Variants in CCDC92B observed in about 807,000 individuals in gnomAD.
CCDC92B encodes the protein coiled-coil domain containing 92B, also known as coiled-coil domain-containing 92B.
A neutral mutation model predicts 5.6 loss-of-function variants in CCDC92B; 2 were observed. The observed-to-expected ratio is 0.36, with a 90% CI of 0.15 to 1.12. The LOEUF is 1.12. Among genes scored for constraint, CCDC92B ranks in the 50% most tolerant of loss-of-function variants. The pLI, the probability that CCDC92B is intolerant of heterozygous loss-of-function variation, is 0.40. For synonymous variants in CCDC92B, 115 were observed against 122.3 expected, an observed-to-expected ratio of 0.94 and a Z score of 0.39; for missense variants, 271 against 262.2, an observed-to-expected ratio of 1.03 and a Z score of -0.23.
In CCDC92B at chr17:2,722,634, G is replaced by A. The variant is rs1484463490; in HGVS notation, c.*1777C>T. On this transcript the variant is annotated 3_prime_UTR_variant, in exon 4 of 4. Coordinates refer to ENST00000614400, the MANE Select transcript of CCDC92B (RefSeq NM_001355573.2). ...GATCTGGGACTCCCCCTTCTTCATG[G>A]GGCTGTGATGGGAGAAGAGCTCGTC... 6.6e-6 allele frequency: 1 copy of A among 152,270 alleles called. No individual in the cohort carries two copies. Among genetic ancestry groups the A allele is most frequent in the African/African-American group, 2.4e-5 (1 of 41,452 alleles). 9.4% of individuals were successfully genotyped at this position (152,270 alleles called of 1,614,324 possible).
At chr17:2,745,314 A>C (rs926085143) in intron 1 of CCDC92B, among the ~76,000 whole-genome samples, 1 of 151,954 alleles carries the variant, frequency 6.6e-6, no homozygotes, top group Non-Finnish European at 1.5e-5. Context: ...GCCTGTTCTT[A>C]GGATAAAGAG....
chr17:2,738,522 C>T (rs2070880016), intron 1 of CCDC92B, among the ~76,000 whole-genome samples: 1 of 151,998 alleles, frequency 6.6e-6, no homozygotes, highest in South Asian at 2.1e-4. Flanking sequence ...CTTGTAATCC[C>T]AGCACTTTGG....
intron 1 of CCDC92B, among the ~76,000 whole-genome samples, chr17:2,741,448 G>A (rs948225912): frequency 1.3e-5 from 2 of 151,868 alleles, no homozygotes; most frequent in Non-Finnish European, 2.9e-5. Context: ...AGGCCAAGGC[G>A]GGCAGATCAC....
At chr17:2,726,168 G>A (rs2070726744) in intron 3 of CCDC92B, among the ~76,000 whole-genome samples, 2 of 28,176 alleles carry the variant, frequency 7.1e-5, no homozygotes, top group South Asian at 7.1e-3. Context: ...GCTAATTTTT[G>A]TATATATATA....
chr17:2,734,406 G>T (rs1373390592), intron 2 of CCDC92B, among the ~76,000 whole-genome samples: 1 of 152,054 alleles, frequency 6.6e-6, no homozygotes, highest in African/African-American at 2.4e-5. Flanking sequence ...TAGACCGAGG[G>T]CTGGGAGTTG....
intron 2 of CCDC92B, among the ~76,000 whole-genome samples, chr17:2,732,666 G>A (rs1486627519): frequency 6.6e-6 from 1 of 151,848 alleles, no homozygotes; most frequent in Non-Finnish European, 1.5e-5. Flanking sequence ...TCAGTGAGCT[G>A]AGATCGTGCC....
intron 1 of CCDC92B, 140 bp from the exon 2 acceptor site, chr17:2,735,308 ATTCC>A (rs2070845711): frequency 5.2e-6 from 2 of 386,690 alleles, no homozygotes; most frequent in African/African-American, 2.2e-5. Context: ...CCTCCACACT[ATTCC>A]TTCATTCAGG....
chr17:2,730,386 T>C, intron 3 of CCDC92B, 60 bp downstream of exon 3: 1 of 943,736 alleles, frequency 1.1e-6, no homozygotes, highest in Non-Finnish European at 1.3e-6. Context: ...TGCAAAGGGC[T>C]GGGAAAAACT....
intron 3 of CCDC92B, among the ~76,000 whole-genome samples, chr17:2,726,542 C>T (rs1290065555): frequency 6.6e-6 from 1 of 151,826 alleles, no homozygotes; most frequent in Non-Finnish European, 1.5e-5. Context: ...GTCTTGAACT[C>T]CTGACCTCAG....
chr17:2,730,542 T>A, intron 2 of CCDC92B, 49 bp from the exon 3 acceptor site: 1 of 451,340 alleles, frequency 2.2e-6, no homozygotes, highest in African/African-American at 2.4e-5. Context: ...TGTGTGTGTG[T>A]GTGTGTGTGT....
Position 2,724,868 on chromosome 17 carries a change from C to G in CCDC92B, c.311G>C (p.Ser104Thr), listed in dbSNP as rs1392721007. Reference protein sequence around the residue: ...REALVSALRCSLRTEERRFLE... With the variant: ...REALVSALRCTLRTEERRFLE... ...GAAGCGGCGCTCCTCGGTGCGCAGG[C>G]TGCAGCGCAGCGCGGACACCAGCGC... Residue 104 changes from serine (S) to threonine (T), a missense_variant, in exon 4 of 4, where the codon AGC (serine) becomes ACC (threonine). Physicochemically the swap from Ser to Thr is moderately conservative, Grantham distance 58 (BLOSUM62 1). Transcript: ENST00000614400. This position sits in a 1 kb window ranked among gnomAD's most constrained non-coding sequence, Gnocchi z 5.0. The G allele has an allele frequency of 2.6e-5, 26 of 985,058 alleles. No individual in the cohort carries two copies. The highest frequency in any genetic ancestry group is 5.2e-4 in the Middle Eastern group (1 of 1,934). 61.0% of individuals were successfully genotyped at this position (985,058 alleles called of 1,614,324 possible).
intron 3 of CCDC92B, among the ~76,000 whole-genome samples, chr17:2,728,453 A>C (rs1194854152): frequency 6.6e-6 from 1 of 152,124 alleles, no homozygotes; most frequent in Non-Finnish European, 1.5e-5. Flanking sequence ...AAAAATACAA[A>C]AAATGAGCCG....
chr17:2,724,083 C>T lies in CCDC92B; in HGVS notation c.*328G>A, dbSNP rs778752611. 1.0e-6 allele frequency: 1 copy of T among 985,334 alleles called. No individual in the cohort carries two copies. Among genetic ancestry groups the T allele is most frequent in the Non-Finnish European group, 1.2e-6 (1 of 829,912 alleles). The allele number at this position is 985,334 out of a possible 1,614,324, so 61.0% of individuals were successfully genotyped here. A position where few individuals can be genotyped will look rare whatever the true frequency, so the allele number is the denominator to read the frequency against. Reference sequence around the variant, plus strand: ...CCCCACCAAGGATTGTCGGCTTTCCCGGGGAAGGGCGTGGCCCCCGCCCCT... The same window carrying T: ...CCCCACCAAGGATTGTCGGCTTTCCTGGGGAAGGGCGTGGCCCCCGCCCCT... On this transcript the variant is annotated 3_prime_UTR_variant, in exon 4 of 4. Coordinates refer to ENST00000614400, the MANE Select transcript of CCDC92B (RefSeq NM_001355573.2). The surrounding 1 kb of genome is among the most constrained non-coding windows in gnomAD (Gnocchi z 5.0).
At position 2,724,655 on chromosome 17, in the gene CCDC92B, C is replaced by A. The variant is rs1273017107; in HGVS notation, c.524G>T (p.Arg175Leu). The stretch of plus-strand genomic sequence containing the variant: ...GGCGGCCTCGTGGGCAGCAGGCGGG[C>A]GGCGGGCTCGCAGTGCGCGGCGGCG... ...RPRRRALRARRPPAAHEAAAK... is the reference protein window; with the variant it reads ...RPRRRALRARLPPAAHEAAAK... Residue 175 changes from arginine to leucine, a missense_variant, in exon 4 of 4, where the codon CGC (arginine) becomes CTC (leucine). By Grantham distance (102) the Arg-to-Leu change is moderately radical (BLOSUM62 -2). Coordinates refer to ENST00000614400, the MANE Select transcript of CCDC92B (RefSeq NM_001355573.2). The surrounding 1 kb of genome is among the most constrained non-coding windows in gnomAD (Gnocchi z 5.0). The A allele has an allele frequency of 1.4e-5, 14 of 981,348 alleles. No individual in the cohort carries two copies. The highest frequency in any genetic ancestry group is 1.7e-5 in the Non-Finnish European group (14 of 828,146). 60.8% of individuals were successfully genotyped at this position (981,348 alleles called of 1,614,324 possible).
chr17:2,733,087 T>A (rs2070815019), intron 2 of CCDC92B, among the ~76,000 whole-genome samples: 1 of 150,584 alleles, frequency 6.6e-6, no homozygotes, highest in African/African-American at 2.4e-5. Flanking sequence ...ACCAAGGGGT[T>A]TCAGGCCCAT....
At position 2,723,914 on chromosome 17, in the gene CCDC92B, C is replaced by A. The variant is rs1012708488; in HGVS notation, c.*497G>T. ...TGGGGGTAGAAGGACCAGCCCCTAG[C>A]CTGGGCCTCTCCTGGGGAGGAAGAA... On this transcript the variant is annotated 3_prime_UTR_variant, in exon 4 of 4. Coordinates refer to ENST00000614400, the MANE Select transcript of CCDC92B (RefSeq NM_001355573.2). 1.3e-5 allele frequency: 13 copies of A among 979,708 alleles called. No homozygotes were observed. Among genetic ancestry groups the A allele is most frequent in the Admixed American group, 6.4e-5 (1 of 15,698 alleles). The allele number at this position is 979,708 out of a possible 1,614,324, so 60.7% of individuals were successfully genotyped here.
At chr17:2,729,526 C>T (rs1054329249) in intron 3 of CCDC92B, among the ~76,000 whole-genome samples, 25 of 150,832 alleles carry the variant, frequency 1.7e-4, no homozygotes, top group African/African-American at 5.9e-4. Context: ...TACTGTGTCC[C>T]TCCAAGTCAG....
rs61695778 is a variant in CCDC92B at position 2,732,349 on chromosome 17, G to A, written c.131-1856C>T. ...CCTTCTCATCACCTCCTCCTTGGGG[G>A]AAAGGCCTTATTCAGTCATTTCAGC... On this transcript the variant is annotated intron_variant, in intron 2 of 3. Transcript: ENST00000614400. Among the ~76,000 whole-genome samples the A allele has an allele frequency of 1.4e-4, 21 of 152,186 alleles. No individual in the cohort carries two copies. In the South Asian group the frequency reaches 3.5e-3, roughly 26 times the overall value.
intron 3 of CCDC92B, among the ~76,000 whole-genome samples, chr17:2,728,135 G>A (rs2070754148): frequency 6.7e-6 from 1 of 150,034 alleles, no homozygotes; most frequent in Non-Finnish European, 1.5e-5. Flanking sequence ...AAACCAGCCT[G>A]GGTGACATGG....
Sources: allele counts gnomAD v4.1 joint callset (sites outside exome capture counted in the v4.1 genomes callset), GRCh38; gene constraint gnomAD v4.1.1; non-coding constraint Gnocchi (gnomAD v3.1); transcripts MANE v1.5; gene names NCBI Gene and HGNC (gene_info 2026-07-23, HGNC 2026-07-21).